Variants in DCAF8L2 observed in about 807,000 individuals in gnomAD.
DCAF8L2 encodes the protein DDB1- and CUL4-associated factor 8-like protein 2.
For synonymous variants in DCAF8L2, 200 were observed against 190.9 expected (o/e 1.05, Z -0.39); for missense variants, 430 against 490.7 (o/e 0.88, Z 1.17).
the DCAF8L2 span, among the ~76,000 whole-genome samples, chrX:27,473,405 A>G: frequency 9.0e-6 from 1 of 110,571 alleles, no homozygotes; most frequent in African/African-American, 3.3e-5. Flanking sequence ...ATATCCTTCA[A>G]CTTACATCAG....
At chrX:27,557,704 G>A in the DCAF8L2 span, among the ~76,000 whole-genome samples, 30 of 111,332 alleles carry the variant, frequency 2.7e-4, no homozygotes, top group African/African-American at 9.8e-4. Context: ...TTCTGGGAAG[G>A]ACGTGACCTG....
the DCAF8L2 span, among the ~76,000 whole-genome samples, chrX:27,527,717 T>C: frequency 9.1e-6 from 1 of 109,677 alleles, no homozygotes; most frequent in Non-Finnish European, 1.9e-5. Context: ...AGTGGCACGA[T>C]CTCAGCTCAC....
intron 4 of DCAF8L2, among the ~76,000 whole-genome samples, chrX:27,720,624 C>T (rs763023330): frequency 1.8e-5 from 2 of 111,688 alleles, no homozygotes; most frequent in South Asian, 3.7e-4. Flanking sequence ...CCACCCGCCT[C>T]GGCCTCCCAA....
intron 3 of DCAF8L2, among the ~76,000 whole-genome samples, chrX:27,700,004 C>T (rs5926863): frequency 0.51 from 55,940 of 109,842 alleles, 10,698 homozygotes; most frequent in African/African-American, 0.66. Context: ...CACTGCACTC[C>T]AGCCTGGGTG....
the DCAF8L2 span, among the ~76,000 whole-genome samples, chrX:27,473,849 A>G: frequency 9.0e-6 from 1 of 111,480 alleles, no homozygotes; most frequent in Non-Finnish European, 1.9e-5. Context: ...ATTTTAATTC[A>G]ACAATGGAAA....
the DCAF8L2 span, among the ~76,000 whole-genome samples, chrX:27,549,415 A>G: frequency 2.7e-5 from 3 of 111,812 alleles, no homozygotes; most frequent in Non-Finnish European, 3.8e-5. Flanking sequence ...CTATAGTACT[A>G]TGATAGCTGT....
chrX:27,611,183 A>C (rs1014919208), intron 1 of DCAF8L2, among the ~76,000 whole-genome samples: 4 of 111,289 alleles, frequency 3.6e-5, no homozygotes, highest in African/African-American at 1.3e-4. Flanking sequence ...GTACAGGTAC[A>C]CTACGGGGAT....
chrX:27,623,704 G>C (rs1022757337), intron 1 of DCAF8L2, among the ~76,000 whole-genome samples: 2 of 111,215 alleles, frequency 1.8e-5, no homozygotes, highest in African/African-American at 6.5e-5. Context: ...TTTATTTCAT[G>C]ATTAATTAGA....
chrX:27,578,334 G>C, the DCAF8L2 span, among the ~76,000 whole-genome samples: 1 of 111,705 alleles, frequency 9.0e-6, no homozygotes, highest in African/African-American at 3.3e-5. Context: ...TTAATAAATG[G>C]TGCTGGGAGA....
chrX:27,691,615 T>C lies in DCAF8L2; in HGVS notation c.-143+13703T>C, dbSNP rs145866340. ...ATGTTATTATGAAGATATTGAGTGA[T>C]GGAATATCCAAAGATTTGCATGTAA... On this transcript the variant is annotated intron_variant, in intron 3 of 4. Transcript: ENST00000451261. Among the ~76,000 whole-genome samples, 181 of 111,901 alleles carry C rather than the reference T, an allele frequency of 1.6e-3. 1 individual carries two copies. Among genetic ancestry groups the C allele is most frequent in the African/African-American group, 5.5e-3 (169 of 30,930 alleles).
chrX:27,729,229 T>A (rs1921046208), intron 4 of DCAF8L2, among the ~76,000 whole-genome samples: 1 of 111,218 alleles, frequency 9.0e-6, no homozygotes, highest in Non-Finnish European at 1.9e-5. Flanking sequence ...GAAGAAGACA[T>A]GGGGGAAGTA....
the DCAF8L2 span, among the ~76,000 whole-genome samples, chrX:27,573,075 A>G: frequency 2.7e-5 from 3 of 110,924 alleles, no homozygotes; most frequent in African/African-American, 9.8e-5. Context: ...TTGAAAAAAA[A>G]AATTTTAGAA....
intron 3 of DCAF8L2, among the ~76,000 whole-genome samples, chrX:27,715,444 C>T (rs1221371369): frequency 2.8e-5 from 3 of 108,240 alleles, no homozygotes; most frequent in Non-Finnish European, 5.7e-5. Context: ...AACTAATAAA[C>T]GTCATGACAC....
At chrX:27,628,860 C>G (rs1434576593) in intron 1 of DCAF8L2, among the ~76,000 whole-genome samples, 1 of 111,219 alleles carries the variant, frequency 9.0e-6, no homozygotes, top group Non-Finnish European at 1.9e-5. Context: ...GCCTCAGCCT[C>G]CCAAAGTGCT....
intron 2 of DCAF8L2, among the ~76,000 whole-genome samples, chrX:27,636,384 G>A (rs1347691207): frequency 1.8e-5 from 2 of 111,763 alleles, no homozygotes; most frequent in East Asian, 5.6e-4. Context: ...TAAATCAATT[G>A]CTAACATTGA....
chrX:27,498,557 T>C, the DCAF8L2 span, among the ~76,000 whole-genome samples: 1 of 112,637 alleles, frequency 8.9e-6, no homozygotes, highest in Non-Finnish European at 1.9e-5. Flanking sequence ...GTTACTCTTT[T>C]TGTTGTGGTG....
chrX:27,536,057 T>C, the DCAF8L2 span, among the ~76,000 whole-genome samples: 3 of 111,943 alleles, frequency 2.7e-5, no homozygotes, highest in Non-Finnish European at 5.6e-5. Flanking sequence ...AAAGTCGTCT[T>C]TGTCATTGGT....
At position 27,698,839 on chromosome X, in the gene DCAF8L2, C is replaced by T. The variant is rs1469500745; in HGVS notation, c.-142-17249C>T. 8.0e-5 allele frequency among the ~76,000 whole-genome samples: 9 copies of T among 111,821 alleles called. No individual in the cohort carries two copies. The East Asian group carries it at 2.3e-3, about 28-fold the overall frequency. On this transcript the variant is annotated intron_variant, in intron 3 of 4. Coordinates refer to ENST00000451261, the MANE Select transcript of DCAF8L2 (RefSeq NM_001353450.2). ...GCTGGAACTAACACTTTCTGAGAACCTGCTACTACTGTGGGGCAGACACTG... is the reference window on the plus strand; with the variant it reads ...GCTGGAACTAACACTTTCTGAGAACTTGCTACTACTGTGGGGCAGACACTG...
chrX:27,608,237 CAA>C (rs1926997879), intron 1 of DCAF8L2, among the ~76,000 whole-genome samples: 1 of 111,145 alleles, frequency 9.0e-6, no homozygotes, highest in Admixed American at 9.7e-5. Context: ...ATTTTGGACT[CAA>C]AATTAAACAG....
Sources: gnomAD v4.1 joint callset for allele counts (sites outside exome capture counted in the v4.1 genomes callset) on GRCh38, gnomAD v4.1.1 for gene constraint, MANE v1.5 for transcripts, NCBI Gene and HGNC (gene_info 2026-07-23, HGNC 2026-07-21) for gene names.